Variants in FARSB observed in about 807,000 individuals in gnomAD.
FARSB encodes phenylalanine--tRNA ligase beta subunit.
FARSB carries 40 observed loss-of-function variants against 69.6 expected under a neutral mutation model. The ratio of observed to expected loss-of-function variants is 0.57; its 90% CI spans 0.45 to 0.75. FARSB has a LOEUF of 0.75. Among genes scored for constraint, FARSB ranks in the 30% least tolerant of loss-of-function variants. The pLI, the probability that FARSB is intolerant of heterozygous loss-of-function variation, is 0.00. For missense variants in FARSB, 632 were observed against 722.9 expected, an observed-to-expected ratio of 0.87 and a Z score of 1.44; for synonymous variants, 235 against 247.2, an observed-to-expected ratio of 0.95 and a Z score of 0.46.
At chr2:222,590,619 A>G (rs1212277050) in intron 16 of FARSB, among the ~76,000 whole-genome samples, 1 of 151,316 alleles carries the variant, frequency 6.6e-6, no homozygotes, top group Non-Finnish European at 1.5e-5. Flanking sequence ...GTTGATATTC[A>G]GAAATTATTG....
At chr2:222,655,223 G>C (rs1290841591) in intron 1 of FARSB, among the ~76,000 whole-genome samples, 1 of 151,892 alleles carries the variant, frequency 6.6e-6, no homozygotes, top group Non-Finnish European at 1.5e-5. Context: ...AATAGGGTGG[G>C]GCAGCTGCTA....
intron 5 of FARSB, among the ~76,000 whole-genome samples, chr2:222,636,276 G>A (rs1038316895): frequency 2.0e-5 from 3 of 151,138 alleles, no homozygotes; most frequent in South Asian, 2.1e-4. Context: ...TGTGGTTGGC[G>A]GGCGCCTGTA....
intron 14 of FARSB, among the ~76,000 whole-genome samples, chr2:222,615,254 C>T (rs1424409745): frequency 6.6e-6 from 1 of 152,192 alleles, no homozygotes; most frequent in Non-Finnish European, 1.5e-5. Context: ...AGACCACAAG[C>T]ACTATTATCT....
chr2:222,631,786 C>A, intron 7 of FARSB, 112 bp from the exon 8 acceptor site: 2 of 721,804 alleles, frequency 2.8e-6, no homozygotes, highest in South Asian at 3.4e-5. Context: ...ATATTAAAAA[C>A]TAACACCTTG....
intron 5 of FARSB, among the ~76,000 whole-genome samples, chr2:222,637,895 A>G (rs1040819789): frequency 1.3e-5 from 2 of 152,248 alleles, no homozygotes; most frequent in African/African-American, 4.8e-5. Context: ...AGGCAGGAGG[A>G]TCACTTGAGC....
Position 222,608,280 on chromosome 2 carries a change from A to G in FARSB, c.1462+5531T>C, listed in dbSNP as rs138075400. ...ACATTCCACATGTGGACGCTAGATAATCCTCCATTATTTGAGGGCTCCAGA... is the reference window on the plus strand; with the variant it reads ...ACATTCCACATGTGGACGCTAGATAGTCCTCCATTATTTGAGGGCTCCAGA... On this transcript the variant is annotated intron_variant, in intron 15 of 16. Coordinates refer to ENST00000281828, the MANE Select transcript of FARSB (RefSeq NM_005687.5). Among the ~76,000 whole-genome samples the G allele has an allele frequency of 7.6e-3, 1,153 of 152,272 alleles. 14 individuals are homozygous for G. The highest frequency in any genetic ancestry group is 0.027 in the African/African-American group (1,116 of 41,556).
intron 10 of FARSB, among the ~76,000 whole-genome samples, chr2:222,627,667 T>C (rs948400300): frequency 6.6e-6 from 1 of 152,256 alleles, no homozygotes; most frequent in African/African-American, 2.4e-5. Flanking sequence ...AAACTAATAT[T>C]GCCTATATAA....
intron 16 of FARSB, among the ~76,000 whole-genome samples, chr2:222,584,901 T>G (rs574729933): frequency 6.6e-6 from 1 of 152,326 alleles, no homozygotes; most frequent in South Asian, 2.1e-4. Flanking sequence ...CTCTGTAGAC[T>G]CCACATCTGG....
In FARSB at chr2:222,571,218, C is replaced by T. The variant is rs1180017053; in HGVS notation, c.*653G>A. 1 of 152,200 alleles carries T rather than the reference C, an allele frequency of 6.6e-6. No individual in the cohort carries two copies. Among genetic ancestry groups the T allele is most frequent in the African/African-American group, 2.4e-5 (1 of 41,444 alleles). The allele number at this position is 152,200 out of a possible 1,614,324, so 9.4% of individuals were successfully genotyped here. On this transcript the variant is annotated 3_prime_UTR_variant, in exon 17 of 17. Transcript: ENST00000281828. ...GTCCATTTTAACTCTTACAGCAGAA[C>T]AGATCTTTGTTGCATGTACTCTATC...
rs78349280 is a variant in FARSB, at chr2:222,625,845, T to C, written c.901-1070A>G. 3.8e-3 allele frequency among the ~76,000 whole-genome samples: 578 copies of C among 152,336 alleles called. 5 individuals carry two copies. The highest frequency in any genetic ancestry group is 0.013 in the African/African-American group (542 of 41,584). ...CTGAATAACTAGTTCCAGGTCAGAATAGTAAACTGCCAAGTCCAAGTGCTG... is the reference window on the plus strand; with the variant it reads ...CTGAATAACTAGTTCCAGGTCAGAACAGTAAACTGCCAAGTCCAAGTGCTG... On this transcript the variant is annotated intron_variant, in intron 10 of 16. Transcript: ENST00000281828.
chr2:222,623,161 T>C (rs558542645), intron 13 of FARSB, among the ~76,000 whole-genome samples: 1 of 152,214 alleles, frequency 6.6e-6, no homozygotes, highest in Non-Finnish European at 1.5e-5. Flanking sequence ...TTCCTTCTGA[T>C]TTTGTAATAA....
rs1161213924 is a variant in FARSB, at chr2:222,592,711, G to A, written c.1618+7217C>T. 4.0e-5 allele frequency among the ~76,000 whole-genome samples: 6 copies of A among 149,738 alleles called. No homozygotes were observed. The Admixed American group carries it at 4.0e-4, about 10-fold the overall frequency. On this transcript the variant is annotated intron_variant, in intron 16 of 16. Transcript: ENST00000281828. ...TGCAGAAGAGAAGAGAGGACCATGA[G>A]GTAAATGAAAATATCTTCCTCTTTT...
intron 1 of FARSB, among the ~76,000 whole-genome samples, chr2:222,649,722 A>T (rs139890530): frequency 6.6e-6 from 1 of 152,244 alleles, no homozygotes; most frequent in Non-Finnish European, 1.5e-5. Flanking sequence ...AGACACAGTG[A>T]GTCTACAATA....
At chr2:222,594,628 T>C (rs1359621156) in intron 16 of FARSB, among the ~76,000 whole-genome samples, 1 of 152,022 alleles carries the variant, frequency 6.6e-6, no homozygotes, top group Non-Finnish European at 1.5e-5. Flanking sequence ...AGAAAATATC[T>C]AAAAAAGGCC....
At chr2:222,616,677 TATA>T (rs1400656852) in intron 14 of FARSB, among the ~76,000 whole-genome samples, 29 of 152,120 alleles carry the variant, frequency 1.9e-4, no homozygotes, top group African/African-American at 6.8e-4. Flanking sequence ...TTATTGTCAC[TATA>T]ATAAAATTTT....
At chr2:222,613,721 A>C in intron 15 of FARSB, 90 bp downstream of exon 15, 1 of 806,530 alleles carries the variant, frequency 1.2e-6, no homozygotes. Flanking sequence ...TAATTATACT[A>C]TTTTTTCTGC....
At chr2:222,628,803 G>A in intron 10 of FARSB, 34 bp downstream of exon 10, 1 of 1,420,868 alleles carries the variant, frequency 7.0e-7, no homozygotes. Context: ...TAGCATTGTT[G>A]TCATAATCAT....
intron 16 of FARSB, among the ~76,000 whole-genome samples, chr2:222,583,314 T>C (rs1485994503): frequency 6.6e-6 from 1 of 152,192 alleles, no homozygotes; most frequent in South Asian, 2.1e-4. Context: ...TTAATTATAA[T>C]GGAGAAAAGA....
In FARSB at chr2:222,572,005, C is replaced by T. The variant is rs778432967; in HGVS notation, c.1636G>A (p.Gly546Arg). 13 of 1,611,654 alleles carry T rather than the reference C, an allele frequency of 8.1e-6. No individual in the cohort carries two copies. The highest frequency in any genetic ancestry group is 1.3e-5 in the African/African-American group (1 of 74,704). Residue 546 changes from glycine to arginine, a missense_variant, in exon 17 of 17, where the codon GGG becomes AGG. By Grantham distance (125) the Gly-to-Arg change is moderately radical (BLOSUM62 -2). Transcript: ENST00000281828. ...CTGGCAAAGATCTCTGCACATCGCCCGGGGAAGAAAGCAGGCCCTGAAAAA... is the reference window on the plus strand; with the variant it reads ...CTGGCAAAGATCTCTGCACATCGCCTGGGGAAGAAAGCAGGCCCTGAAAAA... ...KASEGPAFFP[G>R]RCAEIFARGQ...
Sources: allele counts gnomAD v4.1 joint callset (sites outside exome capture counted in the v4.1 genomes callset), GRCh38; gene constraint gnomAD v4.1.1; transcripts MANE v1.5; gene names NCBI Gene and HGNC (gene_info 2026-07-23, HGNC 2026-07-21).